Variants in LSAMP observed in about 807,000 individuals in gnomAD.
The protein encoded by LSAMP is limbic system associated membrane protein, also known as limbic system-associated membrane protein.
A neutral mutation model predicts 38.6 loss-of-function variants in LSAMP; 7 were observed. That is an observed-to-expected ratio of 0.18 (90% CI 0.10 to 0.34). The LOEUF (loss-of-function observed/expected upper bound fraction) is 0.34, where lower values mean the gene tolerates loss of function less well. Ranked by LOEUF, LSAMP falls within the 10% of genes least tolerant of loss-of-function variation. The pLI, the probability that LSAMP is intolerant of heterozygous loss-of-function variation, is 1.00. For synonymous variants in LSAMP, 154 were observed against 166.8 expected, an observed-to-expected ratio of 0.92 and a Z score of 0.59; for missense variants, 313 against 420.0, an observed-to-expected ratio of 0.75 and a Z score of 2.23.
At chr3:116,317,712 T>C (rs1235073134) in intron 1 of LSAMP, among the ~76,000 whole-genome samples, 1 of 152,056 alleles carries the variant, frequency 6.6e-6, no homozygotes, top group Non-Finnish European at 1.5e-5. Context: ...GGGCAGTAGT[T>C]ATAGTTCATG....
chr3:115,848,589 A>G (rs1235159537), intron 4 of LSAMP, among the ~76,000 whole-genome samples: 1 of 152,228 alleles, frequency 6.6e-6, no homozygotes, highest in Non-Finnish European at 1.5e-5. Flanking sequence ...TCCTCTAAAT[A>G]CATGGCTATC....
intron 2 of LSAMP, among the ~76,000 whole-genome samples, chr3:116,072,420 T>C (rs1707629350): frequency 6.6e-6 from 1 of 152,210 alleles, no homozygotes; most frequent in African/African-American, 2.4e-5. Flanking sequence ...ATATACCCAG[T>C]AATGAGATTG....
intron 1 of LSAMP, among the ~76,000 whole-genome samples, chr3:116,108,521 C>T (rs1004598563): frequency 6.6e-6 from 1 of 152,108 alleles, no homozygotes; most frequent in Admixed American, 6.5e-5. Context: ...TGAGAGTTAC[C>T]TGAAGCTCGG....
In LSAMP at chr3:115,893,463, CAGT is replaced by C. The variant is rs1936651020; in HGVS notation, c.515-40849_515-40847del. 2.6e-5 allele frequency among the ~76,000 whole-genome samples: 4 copies of C among 151,952 alleles called. No homozygotes were observed. The South Asian group carries it at 8.3e-4, about 31-fold the overall frequency. On this transcript the variant is annotated intron_variant, in intron 3 of 6. Coordinates refer to ENST00000490035, the MANE Select transcript of LSAMP (RefSeq NM_002338.5). ...TTGTAGCTCATATACAGAAGAGTCT[CAGT>C]AGAGGTTTCTTTTTCCCCAAATTGA... is the stretch of plus-strand genomic sequence containing the variant.
rs1482667651 is a variant in LSAMP, at chr3:116,180,790, T to TA, written c.156-94235dup. On this transcript the variant is annotated intron_variant, in intron 1 of 6. Transcript: ENST00000490035. ...GATGGCTATTACTACAAAATTTTTC[T>TA]AAAGTTTTGAGGAGATAATAATAAC... Among the ~76,000 whole-genome samples, 9 of 152,246 alleles carry TA rather than the reference T, an allele frequency of 5.9e-5. 1 individual carries two copies. In the East Asian group the frequency reaches 1.5e-3, roughly 26 times the overall value.
intron 1 of LSAMP, among the ~76,000 whole-genome samples, chr3:116,310,549 T>C (rs2047543908): frequency 2.0e-5 from 3 of 152,212 alleles, no homozygotes; most frequent in Admixed American, 2.0e-4. Flanking sequence ...CCTTTAGGCT[T>C]TCTGTATATA....
chr3:116,226,559 T>G (rs921355974), intron 1 of LSAMP, among the ~76,000 whole-genome samples: 6 of 152,238 alleles, frequency 3.9e-5, no homozygotes, highest in African/African-American at 1.4e-4. Context: ...CCCAGGAATA[T>G]GGACAATCCA....
At chr3:116,374,647 A>G (rs1171403635) in intron 1 of LSAMP, among the ~76,000 whole-genome samples, 1 of 151,974 alleles carries the variant, frequency 6.6e-6, no homozygotes, top group East Asian at 1.9e-4. Context: ...GAAACAAAAA[A>G]TACAATAGTG....
rs148965072 is a variant in LSAMP, at chr3:116,023,176, C to A, written c.389-3536G>T. ...TACATATGTGTGTGTGTCTCTCTCT[C>A]TCTATATATATATACACACATATCA... On this transcript the variant is annotated intron_variant, in intron 2 of 6. Coordinates refer to ENST00000490035, the MANE Select transcript of LSAMP (RefSeq NM_002338.5). Among the ~76,000 whole-genome samples the A allele has an allele frequency of 6.6e-3, 952 of 144,914 alleles. 12 individuals carry two copies. Among genetic ancestry groups the A allele is most frequent in the African/African-American group, 0.021 (847 of 39,574 alleles).
chr3:116,069,533 GGGTGT>G (rs1158278257), intron 2 of LSAMP, among the ~76,000 whole-genome samples: 1 of 150,348 alleles, frequency 6.7e-6, no homozygotes, highest in African/African-American at 2.5e-5. Flanking sequence ...ACAGAAAGGT[GGGTGT>G]GAGAGATACC....
intron 1 of LSAMP, among the ~76,000 whole-genome samples, chr3:116,431,015 C>T (rs1304970534): frequency 6.6e-6 from 1 of 151,546 alleles, no homozygotes; most frequent in Non-Finnish European, 1.5e-5. Flanking sequence ...CTAAAATTTT[C>T]TTCCCTATAG....
intron 1 of LSAMP, among the ~76,000 whole-genome samples, chr3:116,138,269 C>A (rs1223344829): frequency 6.6e-6 from 1 of 152,096 alleles, no homozygotes; most frequent in African/African-American, 2.4e-5. Context: ...AGCTCCTATT[C>A]TACACAACTT....
chr3:116,338,250 C>T (rs2047948186), intron 1 of LSAMP, among the ~76,000 whole-genome samples: 1 of 151,938 alleles, frequency 6.6e-6, no homozygotes, highest in Non-Finnish European at 1.5e-5. Flanking sequence ...GCTGAGTTTG[C>T]CTTTCCTATC....
intron 2 of LSAMP, among the ~76,000 whole-genome samples, chr3:116,056,044 A>T (rs1559725376): frequency 1.3e-5 from 2 of 152,194 alleles, no homozygotes; most frequent in Admixed American, 6.5e-5. Context: ...CCTCTTATAA[A>T]ATAAAGGCAA....
intron 1 of LSAMP, among the ~76,000 whole-genome samples, chr3:116,121,739 G>A (rs564346788): frequency 6.6e-6 from 1 of 152,286 alleles, no homozygotes; most frequent in Admixed American, 6.5e-5. Flanking sequence ...GTAAATGGTA[G>A]AGCCAGGTCA....
At chr3:115,850,043 A>G (rs2107519013) in intron 4 of LSAMP, among the ~76,000 whole-genome samples, 1 of 152,356 alleles carries the variant, frequency 6.6e-6, no homozygotes, top group Non-Finnish European at 1.5e-5. Context: ...TAAACTCATT[A>G]TAGTTTTCCA....
intron 1 of LSAMP, among the ~76,000 whole-genome samples, chr3:116,239,580 T>C (rs2046506202): frequency 6.6e-6 from 1 of 152,174 alleles, no homozygotes; most frequent in Non-Finnish European, 1.5e-5. Context: ...AAAATGATTT[T>C]AAATTATAAA....
In LSAMP at chr3:116,020,233, A is replaced by G. The variant is rs75129470; in HGVS notation, c.389-593T>C. Among the ~76,000 whole-genome samples, 326 of 152,296 alleles carry G rather than the reference A, an allele frequency of 2.1e-3. 2 individuals carry two copies. Among genetic ancestry groups the G allele is most frequent in the African/African-American group, 7.1e-3 (294 of 41,562 alleles). Reference sequence around the variant, plus strand: ...AAGTATCTTAGAACTTAAAACGTGAATTAATAAGGCCTATCTCACAGACAG... The same window carrying G: ...AAGTATCTTAGAACTTAAAACGTGAGTTAATAAGGCCTATCTCACAGACAG... On this transcript the variant is annotated intron_variant, in intron 2 of 6. Transcript: ENST00000490035.
intron 3 of LSAMP, among the ~76,000 whole-genome samples, chr3:115,961,834 A>G (rs9818250): frequency 0.27 from 41,347 of 152,192 alleles, 6,727 homozygotes; most frequent in African/African-American, 0.46. Flanking sequence ...AACAATAATC[A>G]GCATTTATAC....
Sources: gnomAD v4.1 joint callset for allele counts (sites outside exome capture counted in the v4.1 genomes callset) on GRCh38, gnomAD v4.1.1 for gene constraint, MANE v1.5 for transcripts, NCBI Gene and HGNC (gene_info 2026-07-23, HGNC 2026-07-21) for gene names.